The following PRKN variants were observed in gnomAD, a reference collection of about 807,000 sequenced individuals.
PRKN encodes parkin RBR E3 ubiquitin protein ligase, also known as E3 ubiquitin-protein ligase parkin.
A neutral mutation model predicts 59.5 loss-of-function variants in PRKN; 56 were observed. That is an observed-to-expected ratio of 0.94 (90% CI 0.76 to 1.18). The LOEUF (loss-of-function observed/expected upper bound fraction) is 1.18. PRKN is among the 50% of genes most tolerant of loss of function. The pLI is 0.00. For synonymous variants in PRKN, 250 were observed against 222.1 expected, an observed-to-expected ratio of 1.13 and a Z score of -1.12; for missense variants, 657 against 596.4, an observed-to-expected ratio of 1.10 and a Z score of -1.06.
rs1430023786 is a variant in PRKN at position 161,386,155 on chromosome 6, A to G, written c.1167+639T>C. Among the ~76,000 whole-genome samples, 1 of 152,230 alleles carries G rather than the reference A, an allele frequency of 6.6e-6. No homozygotes were observed. ...TTAACATCTACATTGGGAGAAAAAT[A>G]ATGAGCAAATTCATCTACTGTGATG... On this transcript the variant is annotated intron_variant, in intron 10 of 11. Transcript: ENST00000366898. The surrounding 1 kb of genome is among the most constrained non-coding windows in gnomAD (Gnocchi z 4.3).
intron 7 of PRKN, among the ~76,000 whole-genome samples, chr6:161,702,259 C>T (rs1431880348): frequency 2.0e-5 from 3 of 152,030 alleles, no homozygotes; most frequent in African/African-American, 2.4e-5. Context: ...TTTAGGACTT[C>T]AAAAATAAAT....
rs1166074230 is a variant in PRKN, at chr6:161,379,803, G to A, written c.1167+6991C>T. On this transcript the variant is annotated intron_variant, in intron 10 of 11. Coordinates refer to ENST00000366898, the MANE Select transcript of PRKN (RefSeq NM_004562.3). The surrounding 1 kb of genome is among the most constrained non-coding windows in gnomAD (Gnocchi z 4.9). ...AGCCTTCCTTCAAACTGCTTCATGCGATTCCCCACAGCATCCTCCAGTACA... is the reference window on the plus strand; with the variant it reads ...AGCCTTCCTTCAAACTGCTTCATGCAATTCCCCACAGCATCCTCCAGTACA... 6.6e-6 allele frequency among the ~76,000 whole-genome samples: 1 copy of A among 152,150 alleles called. No homozygotes were observed. The highest frequency in any genetic ancestry group is 2.1e-4 in the South Asian group (1 of 4,838).
chr6:162,162,542 A>G (rs1782802638), intron 4 of PRKN, among the ~76,000 whole-genome samples: 1 of 152,206 alleles, frequency 6.6e-6, no homozygotes, highest in Non-Finnish European at 1.5e-5. Context: ...TGTAACCAAG[A>G]AACTTTGATT....
At position 161,488,220 on chromosome 6, in the gene PRKN, A is replaced by T. The variant is rs1291146884; in HGVS notation, c.1083+60634T>A. Reference sequence around the variant, plus strand: ...GAAGGTCCTCCAGGAAGGGAGAGTCATGGCCCTAGGAAGAGGACAAGTCTG... The same window carrying T: ...GAAGGTCCTCCAGGAAGGGAGAGTCTTGGCCCTAGGAAGAGGACAAGTCTG... On this transcript the variant is annotated intron_variant, in intron 9 of 11. Coordinates refer to ENST00000366898, the MANE Select transcript of PRKN (RefSeq NM_004562.3). The surrounding 1 kb of genome is among the most constrained non-coding windows in gnomAD (Gnocchi z 4.5). 6.6e-6 allele frequency among the ~76,000 whole-genome samples: 1 copy of T among 152,228 alleles called. No individual in the cohort carries two copies. Among genetic ancestry groups the T allele is most frequent in the East Asian group, 1.9e-4 (1 of 5,144 alleles).
At chr6:162,435,348 C>G (rs1583568020) in intron 2 of PRKN, among the ~76,000 whole-genome samples, 1 of 147,950 alleles carries the variant, frequency 6.8e-6, no homozygotes, top group African/African-American at 2.5e-5. Context: ...AGAATCTTAG[C>G]TTTTTTTTTT....
At chr6:162,345,222 C>CA in intron 2 of PRKN, among the ~76,000 whole-genome samples, 1 of 152,286 alleles carries the variant, frequency 6.6e-6, no homozygotes, top group East Asian at 1.9e-4. Flanking sequence ...ATAGATAAAT[C>CA]ACGGCACTTT....
chr6:161,874,848 A>G (rs368939090), intron 6 of PRKN, among the ~76,000 whole-genome samples: 4 of 48,806 alleles, frequency 8.2e-5, no homozygotes, highest in Admixed American at 2.5e-4. Context: ...TATATAAAAT[A>G]TATAAAATAT....
intron 3 of PRKN, among the ~76,000 whole-genome samples, chr6:162,253,244 T>C (rs1484808086): frequency 2.6e-5 from 4 of 151,960 alleles, no homozygotes; most frequent in Non-Finnish European, 4.4e-5. Flanking sequence ...GATGGCTCTG[T>C]TAACGAAACA....
At chr6:161,977,549 T>TG (rs1358607056) in intron 5 of PRKN, among the ~76,000 whole-genome samples, 7 of 110,354 alleles carry the variant, frequency 6.3e-5, no homozygotes, top group Admixed American at 3.5e-4. Flanking sequence ...TTGGTTTTTT[T>TG]TTTTTTTTTT....
At chr6:162,515,464 A>G (rs1777808705) in intron 1 of PRKN, among the ~76,000 whole-genome samples, 1 of 152,194 alleles carries the variant, frequency 6.6e-6, no homozygotes, top group Non-Finnish European at 1.5e-5. Context: ...CCATATAGTC[A>G]TGTTAATATG....
rs371607556 is a variant in PRKN, at chr6:162,245,190, G to A, written c.412+17335C>T. Among the ~76,000 whole-genome samples, 3 of 152,010 alleles carry A rather than the reference G, an allele frequency of 2.0e-5. No individual in the cohort carries two copies. In the South Asian group the frequency reaches 6.2e-4, roughly 32 times the overall value. The stretch of plus-strand genomic sequence containing the variant: ...TCAATGCGATGTAGGTTTATTATAT[G>A]GGCTATTTTACAACTCGGTAGGAGC... On this transcript the variant is annotated intron_variant, in intron 3 of 11. Coordinates refer to ENST00000366898, the MANE Select transcript of PRKN (RefSeq NM_004562.3).
intron 2 of PRKN, among the ~76,000 whole-genome samples, chr6:162,404,843 C>T (rs190297827): frequency 2.0e-5 from 3 of 152,272 alleles, no homozygotes; most frequent in East Asian, 1.9e-4. Context: ...TGAGCTACTG[C>T]GACCGGCCAC....
At chr6:162,487,625 T>G (rs1792609178) in intron 1 of PRKN, among the ~76,000 whole-genome samples, 1 of 152,204 alleles carries the variant, frequency 6.6e-6, no homozygotes, top group Admixed American at 6.5e-5. Flanking sequence ...ATAATAGATT[T>G]AAGTTCTTAC....
chr6:162,272,712 T>G (rs954605602), intron 2 of PRKN, among the ~76,000 whole-genome samples: 7 of 151,854 alleles, frequency 4.6e-5, no homozygotes, highest in South Asian at 2.1e-4. Flanking sequence ...AATAGAAAAT[T>G]ATGGGCTGGG....
intron 7 of PRKN, among the ~76,000 whole-genome samples, chr6:161,673,688 T>G (rs549772586): frequency 6.6e-6 from 1 of 152,276 alleles, no homozygotes; most frequent in South Asian, 2.1e-4. Flanking sequence ...CTGGGGGCTG[T>G]TGCAGTAATC....
Position 161,502,890 on chromosome 6 carries a change from G to A in PRKN, c.1083+45964C>T, listed in dbSNP as rs1778013956. ...ACAGCTTAGTAGGTGCGTAACCCTG[G>A]GGATGTCGCTTAATTGCTTTAACCT... On this transcript the variant is annotated intron_variant, in intron 9 of 11. Coordinates refer to ENST00000366898, the MANE Select transcript of PRKN (RefSeq NM_004562.3). This position sits in a 1 kb window ranked among gnomAD's most constrained non-coding sequence, Gnocchi z 4.0. 6.6e-6 allele frequency among the ~76,000 whole-genome samples: 1 copy of A among 152,074 alleles called. No homozygotes were observed. The highest frequency in any genetic ancestry group is 2.4e-5 in the African/African-American group (1 of 41,400).
At chr6:161,735,225 C>G (rs1034593974) in intron 7 of PRKN, among the ~76,000 whole-genome samples, 2 of 151,982 alleles carry the variant, frequency 1.3e-5, no homozygotes, top group Admixed American at 6.6e-5. Context: ...ACAAGTCCCC[C>G]TCATGTGGAT....
chr6:162,359,079 A>AAAATATATATATATATATATATAT (rs57265104), intron 2 of PRKN, among the ~76,000 whole-genome samples: 10 of 83,266 alleles, frequency 1.2e-4, no homozygotes, highest in African/African-American at 7.3e-4. Flanking sequence ...AAAAAAAAAA[A>AAAATATATATATATATATATATAT]ATATATATAT....
intron 4 of PRKN, 25 bp from the exon 5 acceptor site, chr6:162,054,199 G>A (rs775450886): frequency 1.6e-5 from 21 of 1,333,778 alleles, no homozygotes; most frequent in African/African-American, 4.3e-5. Flanking sequence ...AACAATATAT[G>A]CTTATATGAG....
Sources: allele counts gnomAD v4.1 joint callset (sites outside exome capture counted in the v4.1 genomes callset), GRCh38; gene constraint gnomAD v4.1.1; non-coding constraint Gnocchi (gnomAD v3.1); transcripts MANE v1.5; gene names NCBI Gene and HGNC (gene_info 2026-07-23, HGNC 2026-07-21).